ARSG: variants seen among roughly 807,000 people sequenced by gnomAD.
ARSG encodes arylsulfatase G, also known as ASG.
ARSG carries 37 observed loss-of-function variants against 50.5 expected under a neutral mutation model. That is an observed-to-expected ratio of 0.73 (90% CI 0.56 to 0.96). ARSG has a LOEUF of 0.96. ARSG is among the 50% of genes least tolerant of loss of function. The probability of loss-of-function intolerance (pLI) is 0.00; values close to 1 mark genes in which losing one functional copy is unlikely to be tolerated. For synonymous variants in ARSG, 225 were observed against 254.6 expected, an observed-to-expected ratio of 0.88 and a Z score of 1.11; for missense variants, 629 against 675.3, an observed-to-expected ratio of 0.93 and a Z score of 0.76.
intron 2 of ARSG, among the ~76,000 whole-genome samples, chr17:68,323,894 G>A (rs1455676515): frequency 1.4e-4 from 21 of 152,018 alleles, no homozygotes; most frequent in South Asian, 6.2e-4. Context: ...CCAACATGGC[G>A]AAACCCCATC....
intron 2 of ARSG, among the ~76,000 whole-genome samples, chr17:68,309,055 A>G (rs534500753): frequency 5.9e-5 from 9 of 152,330 alleles, no homozygotes; most frequent in African/African-American, 2.2e-4. Flanking sequence ...GCCCTGCCCC[A>G]CAGGAAGGCA....
intron 9 of ARSG, among the ~76,000 whole-genome samples, chr17:68,389,089 C>T (rs1376803636): frequency 6.6e-6 from 1 of 152,186 alleles, no homozygotes; most frequent in Non-Finnish European, 1.5e-5. Flanking sequence ...GTAAAAGCTA[C>T]GAGGAGGCTG....
downstream of ARSG, among the ~76,000 whole-genome samples, chr17:68,425,745 G>A (rs553076024): frequency 1.6e-4 from 25 of 152,252 alleles, no homozygotes; most frequent in African/African-American, 5.1e-4. Flanking sequence ...GACAAGTCAC[G>A]TGTTCCTACC....
At chr17:68,301,000 C>A (rs907413798) in intron 1 of ARSG, among the ~76,000 whole-genome samples, 12 of 151,934 alleles carry the variant, frequency 7.9e-5, no homozygotes, top group African/African-American at 2.2e-4. Context: ...CGCCTGTAGT[C>A]CCAGCTACTC....
intron 2 of ARSG, among the ~76,000 whole-genome samples, chr17:68,331,730 C>T (rs1291262863): frequency 6.6e-6 from 1 of 152,070 alleles, no homozygotes; most frequent in Admixed American, 6.6e-5. Context: ...TAAGTGTCAG[C>T]CAGTCTGAGA....
Position 68,352,063 on chromosome 17 carries a change from G to GGA in ARSG, c.566+396_566+397dup, listed in dbSNP as rs764916757. On this transcript the variant is annotated intron_variant, in intron 5 of 11. Coordinates refer to ENST00000621439, the MANE Select transcript of ARSG (RefSeq NM_001267727.2). ...GGAGAGAGCAGAGGAGAGAGACAGAGGAGAGAGAGAGAGAGAGAGACAGAG... is the reference window on the plus strand; with the variant it reads ...GGAGAGAGCAGAGGAGAGAGACAGAGGAGAGAGAGAGAGAGAGAGAGACAGAG... 6.2e-3 allele frequency among the ~76,000 whole-genome samples: 880 copies of GGA among 141,460 alleles called. 22 individuals are homozygous for GGA. The highest frequency in any genetic ancestry group is 0.022 in the African/African-American group (811 of 36,228). 92.8% of individuals were successfully genotyped at this position (141,460 alleles called of 152,430 possible). A position where few individuals can be genotyped will look rare whatever the true frequency, so the allele number is the denominator to read the frequency against.
chr17:68,436,274 A>T, the ARSG span: 1 of 948,610 alleles, frequency 1.1e-6, no homozygotes, highest in Non-Finnish European at 1.7e-6. Context: ...AGTATTGCTT[A>T]CTCCCACCGC....
At chr17:68,415,079 G>A (rs2082285084) in intron 11 of ARSG, among the ~76,000 whole-genome samples, 1 of 151,884 alleles carries the variant, frequency 6.6e-6, no homozygotes, top group African/African-American at 2.4e-5. Context: ...GGTTTTGTTT[G>A]TTCTTGTTTC....
chr17:68,407,245 C>T (rs2081769604), intron 11 of ARSG, among the ~76,000 whole-genome samples: 1 of 152,092 alleles, frequency 6.6e-6, no homozygotes, highest in South Asian at 2.1e-4. Context: ...ATTTTTATAC[C>T]AGTACTATGC....
intron 1 of ARSG, among the ~76,000 whole-genome samples, chr17:68,292,544 T>A (rs2076048939): frequency 6.6e-6 from 1 of 152,180 alleles, no homozygotes; most frequent in Non-Finnish European, 1.5e-5. Context: ...GTTATTTGCA[T>A]TCGTATGCAG....
chr17:68,273,941 A>G (rs35397826), intron 1 of ARSG: 201,592 of 1,613,940 alleles, frequency 0.12, 13,010 homozygotes, highest in East Asian at 0.16. Context: ...GATGATGCCG[A>G]TGGCGACGTA....
chr17:68,384,564 G>A (rs558806200), intron 8 of ARSG, among the ~76,000 whole-genome samples: 5 of 152,202 alleles, frequency 3.3e-5, no homozygotes, highest in Non-Finnish European at 5.9e-5. Flanking sequence ...TGCCAGATCG[G>A]TTCTTGGATG....
At chr17:68,281,843 G>T (rs549639676) in intron 1 of ARSG, among the ~76,000 whole-genome samples, 18 of 152,198 alleles carry the variant, frequency 1.2e-4, no homozygotes, top group African/African-American at 3.9e-4. Context: ...CCAATAAGGA[G>T]AACAGTATGG....
At chr17:68,434,716 G>T in the ARSG span, 34 of 1,331,676 alleles carry the variant, frequency 2.6e-5, no homozygotes, top group Non-Finnish European at 3.6e-5. Context: ...TATTGGTTTT[G>T]AACATCTGTC....
At chr17:68,357,113 T>C (rs1000101031) in intron 6 of ARSG, among the ~76,000 whole-genome samples, 6 of 152,130 alleles carry the variant, frequency 3.9e-5, no homozygotes, top group African/African-American at 1.2e-4. Flanking sequence ...TCCTCAAGGG[T>C]AGGGCCTGCC....
chr17:68,409,218 A>T (rs1239264576), intron 11 of ARSG, among the ~76,000 whole-genome samples: 3 of 123,440 alleles, frequency 2.4e-5, no homozygotes, highest in East Asian at 2.4e-4. Context: ...CTGAATGGTA[A>T]TGCCTAGGTT....
At chr17:68,286,156 T>C in intron 1 of ARSG, among the ~76,000 whole-genome samples, 1 of 152,198 alleles carries the variant, frequency 6.6e-6, no homozygotes, top group African/African-American at 2.4e-5. Flanking sequence ...TTGTATGAGC[T>C]GAGATTACCT....
rs890439222 is a variant in ARSG at position 68,340,367 on chromosome 17, C to T, written c.219-3237C>T. ...TGGTGCGATCTCGGCTCACTGCAAC[C>T]TCTGCCTCCCAGGTTCAAGCAGTTC... On this transcript the variant is annotated intron_variant, in intron 2 of 11. Transcript: ENST00000621439. Among the ~76,000 whole-genome samples the T allele has an allele frequency of 2.2e-4, 34 of 152,084 alleles. 1 individual carries two copies. Among genetic ancestry groups the T allele is most frequent in the Non-Finnish European group, 1.5e-5 (1 of 68,022 alleles).
At chr17:68,301,145 C>T (rs140408982) in intron 1 of ARSG, among the ~76,000 whole-genome samples, 10 of 151,578 alleles carry the variant, frequency 6.6e-5, no homozygotes, top group African/African-American at 2.2e-4. Context: ...ATTTTAATTA[C>T]GTAAGTGAAA....
Sources: allele counts gnomAD v4.1 joint callset (sites outside exome capture counted in the v4.1 genomes callset), GRCh38; gene constraint gnomAD v4.1.1; transcripts MANE v1.5; gene names NCBI Gene and HGNC (gene_info 2026-07-23, HGNC 2026-07-21).